The following SLCO5A1 variants were observed in gnomAD, a reference collection of about 807,000 sequenced individuals.
SLCO5A1 encodes the protein organic anion transporter polypeptide-related protein 4.
SLCO5A1 carries 39 observed loss-of-function variants against 65.1 expected under a neutral mutation model. The ratio of observed to expected loss-of-function variants is 0.60; its 90% CI spans 0.46 to 0.78. SLCO5A1 has a LOEUF of 0.78. Ranked by LOEUF, SLCO5A1 falls within the 30% of genes least tolerant of loss-of-function variation. SLCO5A1 has a pLI of 0.00. For synonymous variants in SLCO5A1, 438 were observed against 415.7 expected (o/e 1.05, Z -0.65); for missense variants, 1,029 against 1,069.4 (o/e 0.96, Z 0.53).
rs1449543921 is a variant in SLCO5A1, at chr8:69,672,655, C to G, written c.*214G>C. ...GGAAATGGGAACAAATCTAGCTGAA[C>G]GTCTCCTTCTTGGAGAGAAGCGGGG... On this transcript the variant is annotated 3_prime_UTR_variant, in exon 10 of 10. Coordinates refer to ENST00000260126, the MANE Select transcript of SLCO5A1 (RefSeq NM_030958.3). 1.7e-6 allele frequency: 1 copy of G among 575,314 alleles called. No individual in the cohort carries two copies. Among genetic ancestry groups the G allele is most frequent in the African/African-American group, 1.9e-5 (1 of 53,576 alleles). The allele number at this position is 575,314 out of a possible 1,614,324, so 35.6% of individuals were successfully genotyped here.
intron 6 of SLCO5A1, among the ~76,000 whole-genome samples, chr8:69,704,114 T>C (rs992239451): frequency 2.6e-5 from 4 of 152,202 alleles, no homozygotes; most frequent in Admixed American, 2.6e-4. Flanking sequence ...TTGCGCAGGC[T>C]GGTCTTGAAC....
chr8:69,688,492 C>G lies in SLCO5A1; in HGVS notation c.1623-6149G>C, dbSNP rs550840670. 3.3e-5 allele frequency among the ~76,000 whole-genome samples: 5 copies of G among 152,132 alleles called. No homozygotes were observed. In the South Asian group the frequency reaches 6.3e-4, roughly 19 times the overall value. On this transcript the variant is annotated intron_variant, in intron 6 of 9. Coordinates refer to ENST00000260126, the MANE Select transcript of SLCO5A1 (RefSeq NM_030958.3). Reference sequence around the variant, plus strand: ...CCAATGCTATCCCTCCCCGCTCCCCCCACCCCACAACAGGCCCCAGAGTGT... The same window carrying G: ...CCAATGCTATCCCTCCCCGCTCCCCGCACCCCACAACAGGCCCCAGAGTGT...
intron 2 of SLCO5A1, among the ~76,000 whole-genome samples, chr8:69,782,691 A>AT (rs1354434600): frequency 6.6e-6 from 1 of 151,652 alleles, no homozygotes; most frequent in Non-Finnish European, 1.5e-5. Context: ...AGCCTTTTGT[A>AT]TTTTTTCTAT....
intron 4 of SLCO5A1, among the ~76,000 whole-genome samples, chr8:69,744,685 T>C (rs1041109007): frequency 6.6e-6 from 1 of 152,226 alleles, no homozygotes; most frequent in South Asian, 2.1e-4. Context: ...AAAATATACT[T>C]GGAATGCATT....
At position 69,762,169 on chromosome 8, in the gene SLCO5A1, T is replaced by G. The variant is rs570787282; in HGVS notation, c.908-294A>C. Among the ~76,000 whole-genome samples, 12 of 126,016 alleles carry G rather than the reference T, an allele frequency of 9.5e-5. No individual in the cohort carries two copies. The South Asian group carries it at 2.7e-3, about 28-fold the overall frequency. The allele number at this position is 126,016 out of a possible 152,430, so 82.7% of individuals were successfully genotyped here. On this transcript the variant is annotated intron_variant, in intron 2 of 9. Coordinates refer to ENST00000260126, the MANE Select transcript of SLCO5A1 (RefSeq NM_030958.3). Reference sequence around the variant, plus strand: ...TTCTTTCTTTCTTTCTTTCTTTCTTTCTTTCTTTCTTTCTTTCTTTCTTTC... The same window carrying G: ...TTCTTTCTTTCTTTCTTTCTTTCTTGCTTTCTTTCTTTCTTTCTTTCTTTC...
chr8:69,712,431 G>T (rs570796650), intron 5 of SLCO5A1, among the ~76,000 whole-genome samples: 3 of 151,886 alleles, frequency 2.0e-5, no homozygotes, highest in Non-Finnish European at 4.4e-5. Flanking sequence ...TTCCTCTTTC[G>T]CTCCAATTTT....
intron 5 of SLCO5A1, among the ~76,000 whole-genome samples, chr8:69,706,571 C>T (rs1052151349): frequency 2.6e-5 from 4 of 152,186 alleles, no homozygotes; most frequent in Non-Finnish European, 5.9e-5. Context: ...AGCTACCTCA[C>T]CTTTCCATGT....
chr8:69,745,407 T>C (rs1205181121), intron 4 of SLCO5A1, among the ~76,000 whole-genome samples: 1 of 152,194 alleles, frequency 6.6e-6, no homozygotes, highest in Non-Finnish European at 1.5e-5. Flanking sequence ...TTTGTTCCTT[T>C]TACATCTTTT....
intron 6 of SLCO5A1, among the ~76,000 whole-genome samples, chr8:69,688,199 A>G (rs1271909278): frequency 6.6e-6 from 1 of 152,210 alleles, no homozygotes; most frequent in East Asian, 1.9e-4. Flanking sequence ...AAGACTATAA[A>G]TAGAAGGAGC....
chr8:69,772,877 A>C, intron 2 of SLCO5A1: 1 of 973,170 alleles, frequency 1.0e-6, no homozygotes, highest in Non-Finnish European at 1.2e-6. Context: ...AAGGTGAACA[A>C]AACTGATGCA....
intron 2 of SLCO5A1, among the ~76,000 whole-genome samples, chr8:69,825,735 C>A (rs1243259561): frequency 6.6e-6 from 1 of 152,074 alleles, no homozygotes; most frequent in East Asian, 1.9e-4. Flanking sequence ...ATGCCATCCC[C>A]ATCAAGCTAC....
At chr8:69,724,400 C>T (rs751741450) in intron 5 of SLCO5A1, among the ~76,000 whole-genome samples, 1 of 152,072 alleles carries the variant, frequency 6.6e-6, no homozygotes, top group Non-Finnish European at 1.5e-5. Context: ...AATCAAAAAT[C>T]AAACATAAAT....
intron 2 of SLCO5A1, among the ~76,000 whole-genome samples, chr8:69,789,367 T>A (rs1819170998): frequency 6.6e-6 from 1 of 152,218 alleles, no homozygotes; most frequent in African/African-American, 2.4e-5. Flanking sequence ...ACCTGAACAT[T>A]GATAGGCAAG....
intron 5 of SLCO5A1, among the ~76,000 whole-genome samples, chr8:69,718,082 G>A (rs1563680987): frequency 6.6e-6 from 1 of 152,074 alleles, no homozygotes; most frequent in Non-Finnish European, 1.5e-5. Flanking sequence ...ATGTTTTGTG[G>A]TTTTCAGAAT....
intron 5 of SLCO5A1, among the ~76,000 whole-genome samples, chr8:69,735,800 C>A (rs1816528209): frequency 6.6e-6 from 1 of 152,262 alleles, no homozygotes; most frequent in South Asian, 2.1e-4. Flanking sequence ...CCTGCACATA[C>A]TGCACATGTA....
chr8:69,804,132 G>C (rs111873184), intron 2 of SLCO5A1, among the ~76,000 whole-genome samples: 3,248 of 152,186 alleles, frequency 0.021, 103 homozygotes, highest in African/African-American at 0.074. Context: ...CCATGCAAAA[G>C]TTAAGTCTGA....
intron 7 of SLCO5A1, 74 bp downstream of exon 7, chr8:69,682,110 T>C: frequency 6.8e-7 from 1 of 1,472,578 alleles, no homozygotes; most frequent in Non-Finnish European, 9.2e-7. Context: ...TCATTGTAGC[T>C]GCATAGGAAT....
At chr8:69,775,891 T>G (rs544585185) in intron 2 of SLCO5A1, among the ~76,000 whole-genome samples, 73 of 152,196 alleles carry the variant, frequency 4.8e-4, no homozygotes, top group African/African-American at 1.7e-3. Context: ...GGTGGATGCC[T>G]GTAGTCCCAG....
At chr8:69,727,984 A>G (rs1454061037) in intron 5 of SLCO5A1, among the ~76,000 whole-genome samples, 2 of 152,222 alleles carry the variant, frequency 1.3e-5, no homozygotes, top group Non-Finnish European at 2.9e-5. Context: ...TGGGTTATTT[A>G]GTATGAAGTG....
Sources: gnomAD v4.1 joint callset for allele counts (sites outside exome capture counted in the v4.1 genomes callset) on GRCh38, gnomAD v4.1.1 for gene constraint, MANE v1.5 for transcripts, NCBI Gene and HGNC (gene_info 2026-07-23, HGNC 2026-07-21) for gene names.